The following PECAM1 variants were observed in gnomAD, a reference collection of about 807,000 sequenced individuals.
The protein encoded by PECAM1 is platelet endothelial cell adhesion molecule.
In PECAM1, 8 loss-of-function variants were observed where a neutral mutation model predicts 13.8. That is an observed-to-expected ratio of 0.58 (90% CI 0.34 to 1.05). PECAM1 has a LOEUF of 1.05. Among genes scored for constraint, PECAM1 ranks in the 50% least tolerant of loss-of-function variants. The pLI is 0.03. For missense variants in PECAM1, 304 were observed against 141.2 expected, an observed-to-expected ratio of 2.15 and a Z score of -5.84; for synonymous variants, 136 against 52.6, an observed-to-expected ratio of 2.58 and a Z score of -6.86.
intron 14 of PECAM1, 128 bp from the exon 15 acceptor site, chr17:64,329,850 G>T (rs1423729327): frequency 2.8e-6 from 2 of 706,020 alleles, no homozygotes; most frequent in Non-Finnish European, 5.3e-6. Context: ...GACATCAGCC[G>T]GCAGGTGCCC....
chr17:64,365,811 C>G (rs1294589128), intron 5 of PECAM1, among the ~76,000 whole-genome samples: 1 of 151,332 alleles, frequency 6.6e-6, no homozygotes, highest in East Asian at 1.9e-4. Flanking sequence ...ACACCTTATA[C>G]AAAAATTAAT....
chr17:64,375,439 C>T (rs942499953), intron 3 of PECAM1, 83 bp from the exon 4 acceptor site: 1 of 400,036 alleles, frequency 2.5e-6, no homozygotes, highest in African/African-American at 2.1e-5. Flanking sequence ...GAGACACAAG[C>T]CTCCCTCCGC....
chr17:64,372,894 T>G (rs1340135242), intron 4 of PECAM1, among the ~76,000 whole-genome samples: 8 of 151,010 alleles, frequency 5.3e-5, no homozygotes, highest in African/African-American at 1.9e-4. Context: ...GGCAGGTGGA[T>G]CACCTGAGAT....
intron 13 of PECAM1, among the ~76,000 whole-genome samples, chr17:64,346,626 G>A (rs1238058101): frequency 2.6e-5 from 4 of 152,208 alleles, no homozygotes; most frequent in East Asian, 1.9e-4. Flanking sequence ...GTGAGCCACC[G>A]TGCCTGGCCA....
intron 10 of PECAM1, 136 bp from the exon 11 acceptor site, chr17:64,352,599 T>C (rs1471488009): frequency 5.1e-6 from 2 of 390,656 alleles, no homozygotes; most frequent in African/African-American, 4.1e-5. Flanking sequence ...TAAGGAAAAC[T>C]TTACTCTCTC....
chr17:64,372,899 T>C (rs962826483), intron 4 of PECAM1, among the ~76,000 whole-genome samples: 4 of 151,176 alleles, frequency 2.6e-5, no homozygotes, highest in Non-Finnish European at 5.9e-5. Flanking sequence ...GTGGATCACC[T>C]GAGATCGGGA....
At chr17:64,378,292 G>A (rs1331860991) in intron 2 of PECAM1, among the ~76,000 whole-genome samples, 175 bp from the exon 3 acceptor site, 1 of 152,082 alleles carries the variant, frequency 6.6e-6, no homozygotes, top group Non-Finnish European at 1.5e-5. Flanking sequence ...GCTCAAGCAG[G>A]AGGCAGTTGG....
At chr17:64,325,204 T>C (rs1170048376) in intron 15 of PECAM1, among the ~76,000 whole-genome samples, 4 of 151,140 alleles carry the variant, frequency 2.6e-5, no homozygotes, top group African/African-American at 9.8e-5. Flanking sequence ...CTGGCCAACA[T>C]AGTGAAACCT....
intron 3 of PECAM1, among the ~76,000 whole-genome samples, chr17:64,377,414 C>T (rs1222108085): frequency 2.0e-5 from 3 of 151,996 alleles, no homozygotes; most frequent in African/African-American, 7.2e-5. Flanking sequence ...GAGTTCGAGA[C>T]CAGCCTGACC....
intron 10 of PECAM1, 61 bp from the exon 11 acceptor site, chr17:64,352,524 C>A: frequency 2.4e-6 from 1 of 418,538 alleles, no homozygotes; most frequent in Non-Finnish European, 4.3e-6. Context: ...TGTTATTGTT[C>A]TAACCCCAAA....
At chr17:64,379,716 T>C (rs1212279133) in intron 2 of PECAM1, among the ~76,000 whole-genome samples, 2 of 152,134 alleles carry the variant, frequency 1.3e-5, no homozygotes, top group Admixed American at 1.3e-4. Context: ...TCATGTTCTA[T>C]ACATGGCTAA....
chr17:64,366,487 G>C (rs1337608794), intron 5 of PECAM1, among the ~76,000 whole-genome samples: 2 of 150,612 alleles, frequency 1.3e-5, no homozygotes. Flanking sequence ...TATACCCAAA[G>C]GACTATAAAT....
intron 14 of PECAM1, among the ~76,000 whole-genome samples, chr17:64,335,601 T>G (rs2035255967): frequency 6.6e-6 from 1 of 152,350 alleles, no homozygotes; most frequent in South Asian, 2.1e-4. Context: ...CCAGGCCCCC[T>G]GGGTTCAGTC....
chr17:64,322,417 C>T lies in PECAM1; in HGVS notation c.*1399G>A, dbSNP rs1216702371. 1.2e-5 allele frequency: 12 copies of T among 986,156 alleles called. No individual in the cohort carries two copies. Among genetic ancestry groups the T allele is most frequent in the African/African-American group, 8.7e-5 (5 of 57,218 alleles). 61.1% of individuals were successfully genotyped at this position (986,156 alleles called of 1,614,324 possible). A position where few individuals can be genotyped will look rare whatever the true frequency, so the allele number is the denominator to read the frequency against. On this transcript the variant is annotated 3_prime_UTR_variant, in exon 16 of 16. Transcript: ENST00000563924. The stretch of plus-strand genomic sequence containing the variant: ...AACAAAACAAAAACATAGACCTGCT[C>T]GGTTCTCTCTGTGACTTCAGAGGCC...
chr17:64,362,171 T>C (rs2035997890), intron 6 of PECAM1, among the ~76,000 whole-genome samples: 2 of 152,186 alleles, frequency 1.3e-5, no homozygotes, highest in Non-Finnish European at 1.5e-5. Context: ...AAAATGCTAG[T>C]TAGAGATGCA....
chr17:64,353,306 TACAC>T (rs138867178), intron 10 of PECAM1, among the ~76,000 whole-genome samples, 181 bp downstream of exon 10: 12 of 28,378 alleles, frequency 4.2e-4, no homozygotes, highest in Admixed American at 6.6e-4. Context: ...TCCACGGAGG[TACAC>T]ACACACACAC....
At chr17:64,367,251 A>G (rs1186265923) in intron 5 of PECAM1, among the ~76,000 whole-genome samples, 2 of 152,130 alleles carry the variant, frequency 1.3e-5, no homozygotes, top group Non-Finnish European at 2.9e-5. Context: ...CACAGACCCC[A>G]TAGGAAAAAC....
intron 3 of PECAM1, 131 bp from the exon 4 acceptor site, chr17:64,375,487 TG>T (rs1314783529): frequency 2.5e-6 from 1 of 397,786 alleles, no homozygotes; most frequent in African/African-American, 2.1e-5. Flanking sequence ...GGCTCTTTTT[TG>T]TTCTCTGAAC....
rs1355892394 is a variant in PECAM1 at position 64,357,589 on chromosome 17, T to C, written c.1493-1191A>G. Among the ~76,000 whole-genome samples the C allele has an allele frequency of 2.0e-5, 3 of 152,290 alleles. No homozygotes were observed. In the South Asian group the frequency reaches 6.2e-4, roughly 32 times the overall value. ...GTGAGTGCAGGCTGTGGTAAGACAA[T>C]GGAAGAAGCCAAGCTCCGGGCCTGG... On this transcript the variant is annotated intron_variant, in intron 7 of 15. Transcript: ENST00000563924.
Sources: allele counts gnomAD v4.1 joint callset (sites outside exome capture counted in the v4.1 genomes callset), GRCh38; gene constraint gnomAD v4.1.1; transcripts MANE v1.5; gene names NCBI Gene and HGNC (gene_info 2026-07-23, HGNC 2026-07-21).